PRELID2: variants seen among roughly 807,000 people sequenced by gnomAD.
The protein encoded by PRELID2 is PRELI domain containing 2.
A neutral mutation model predicts 28.4 loss-of-function variants in PRELID2; 25 were observed. That is an observed-to-expected ratio of 0.88 (90% CI 0.64 to 1.23). The LOEUF (loss-of-function observed/expected upper bound fraction) is 1.23, where lower values mean the gene tolerates loss of function less well. Ranked by LOEUF, PRELID2 falls within the 50% of genes most tolerant of loss-of-function variation. The pLI is 0.00. For missense variants in PRELID2, 201 were observed against 214.4 expected (o/e 0.94, Z 0.39); for synonymous variants, 76 against 71.6 (o/e 1.06, Z -0.31).
intron 1 of PRELID2, among the ~76,000 whole-genome samples, chr5:145,746,085 C>T (rs1482130430): frequency 6.6e-6 from 1 of 152,106 alleles, no homozygotes; most frequent in East Asian, 1.9e-4. Context: ...AGACCAATGA[C>T]ACTATGAAGA....
In PRELID2 at chr5:145,473,199, C is replaced by T. The variant is rs1752068912; in HGVS notation, n.186+1G>A. 4 of 152,256 alleles carry T rather than the reference C, an allele frequency of 2.6e-5. No homozygotes were observed. The South Asian group carries it at 8.3e-4, about 32-fold the overall frequency. The allele number at this position is 152,256 out of a possible 1,614,324, so 9.4% of individuals were successfully genotyped here. A position where few individuals can be genotyped will look rare whatever the true frequency, so the allele number is the denominator to read the frequency against. ...TCAAAGAATGCTTTGCAACAACTTA[C>T]CACGGTAAAGAACATGGGTTTTGGA... On this transcript the variant is annotated splice_donor_variant and non_coding_transcript_variant, in intron 2 of 2. Coordinates refer to the PRELID2 transcript ENST00000510259.
the PRELID2 span, among the ~76,000 whole-genome samples, chr5:145,297,284 T>A: frequency 6.6e-6 from 1 of 152,088 alleles, no homozygotes; most frequent in South Asian, 2.1e-4. Flanking sequence ...ATGTCCTGAA[T>A]GGTAATGCCT....
chr5:145,373,820 T>C, the PRELID2 span, among the ~76,000 whole-genome samples: 1 of 95,356 alleles, frequency 1.0e-5, no homozygotes, highest in Non-Finnish European at 1.9e-5. Flanking sequence ...TTATATATGA[T>C]ATTATATATT....
the PRELID2 span, among the ~76,000 whole-genome samples, chr5:145,391,582 C>G: frequency 6.6e-6 from 1 of 152,136 alleles, no homozygotes; most frequent in Admixed American, 6.5e-5. Flanking sequence ...TCTGACATGC[C>G]CTGGAGATAT....
chr5:145,398,816 G>A, the PRELID2 span, among the ~76,000 whole-genome samples: 10 of 152,210 alleles, frequency 6.6e-5, no homozygotes, highest in Non-Finnish European at 1.2e-4. Flanking sequence ...AGAAGAATGC[G>A]TGAGAGGAGT....
chr5:145,725,860 C>T (rs1554086494), intron 1 of PRELID2, among the ~76,000 whole-genome samples: 1 of 152,046 alleles, frequency 6.6e-6, no homozygotes, highest in Non-Finnish European at 1.5e-5. Flanking sequence ...TAGGGAAAAA[C>T]TTGATAATTA....
intron 1 of PRELID2, among the ~76,000 whole-genome samples, chr5:145,657,456 C>T (rs1050618997): frequency 2.6e-5 from 4 of 152,150 alleles, no homozygotes; most frequent in South Asian, 2.1e-4. Flanking sequence ...GAGGCTGAGG[C>T]GGGCAGATCA....
chr5:145,788,418 T>C (rs922486347), intron 5 of PRELID2, among the ~76,000 whole-genome samples: 1 of 152,202 alleles, frequency 6.6e-6, no homozygotes, highest in Non-Finnish European at 1.5e-5. Context: ...AAATCTAGGC[T>C]GAGAGAGACT....
At position 145,656,256 on chromosome 5, in the gene PRELID2, G is replaced by A. The variant is rs140926689; in HGVS notation, n.70+108675C>T. Among the ~76,000 whole-genome samples the A allele has an allele frequency of 4.7e-4, 72 of 152,232 alleles. 1 individual carries two copies. The East Asian group carries it at 0.013, about 28-fold the overall frequency. On this transcript the variant is annotated intron_variant and non_coding_transcript_variant, in intron 1 of 2. Transcript: ENST00000510259. ...TCATTAAAAAGTCAGGAAACAACAG[G>A]TGCTGGAGAGGATGTGGAGAAATAG...
the PRELID2 span, among the ~76,000 whole-genome samples, chr5:145,337,764 T>G: frequency 1.2e-5 from 1 of 83,592 alleles, no homozygotes; most frequent in African/African-American, 5.1e-5. Flanking sequence ...CACACACACA[T>G]ACACGTACAT....
At chr5:145,468,703 G>A (rs1752025657), downstream of PRELID2, among the ~76,000 whole-genome samples, 1 of 152,146 alleles carries the variant, frequency 6.6e-6, no homozygotes, top group African/African-American at 2.4e-5. Flanking sequence ...TCTGTTGGCT[G>A]CATAAATATC....
chr5:145,475,932 A>T (rs1752096488), intron 1 of PRELID2, among the ~76,000 whole-genome samples: 1 of 152,240 alleles, frequency 6.6e-6, no homozygotes. Context: ...GGACTAAAGT[A>T]GATAAATAAT....
intron 1 of PRELID2, among the ~76,000 whole-genome samples, chr5:145,483,970 T>G (rs1752190314): frequency 6.6e-6 from 1 of 152,238 alleles, no homozygotes; most frequent in Non-Finnish European, 1.5e-5. Flanking sequence ...AAAGATTTAT[T>G]GAATAAATTA....
the PRELID2 span, among the ~76,000 whole-genome samples, chr5:145,409,754 A>T: frequency 6.6e-6 from 1 of 151,628 alleles, no homozygotes; most frequent in Non-Finnish European, 1.5e-5. Flanking sequence ...TCTACTGAAA[A>T]AAAAAAAAAA....
Position 145,835,275 on chromosome 5 carries a change from C to T in PRELID2, c.-24G>A. On this transcript the variant is annotated 5_prime_UTR_variant, in exon 1 of 7. Coordinates refer to ENST00000683046, the MANE Select transcript of PRELID2 (RefSeq NM_205846.3). ...ATCCCCGCGCGCCGCGGGCCCCGCG[C>T]ACCGGCCACGCCTCCGCGAGCTCAG... is the stretch of plus-strand genomic sequence containing the variant. The T allele has an allele frequency of 6.5e-7, 1 of 1,528,568 alleles. No homozygotes were observed. Among genetic ancestry groups the T allele is most frequent in the African/African-American group, 1.4e-5 (1 of 72,556 alleles). 94.7% of individuals were successfully genotyped at this position (1,528,568 alleles called of 1,614,324 possible).
At chr5:145,771,195 G>A (rs1242854666) in intron 5 of PRELID2, among the ~76,000 whole-genome samples, 1 of 151,928 alleles carries the variant, frequency 6.6e-6, no homozygotes, top group Non-Finnish European at 1.5e-5. Flanking sequence ...TACACAAATA[G>A]TTATCATTGT....
At chr5:145,639,938 T>G (rs1035864174) in intron 1 of PRELID2, among the ~76,000 whole-genome samples, 1 of 152,158 alleles carries the variant, frequency 6.6e-6, no homozygotes, top group African/African-American at 2.4e-5. Flanking sequence ...AGTGCCCCCT[T>G]GGAAAAGGGC....
chr5:145,534,444 C>T (rs1261058613), intron 1 of PRELID2, among the ~76,000 whole-genome samples: 1 of 152,014 alleles, frequency 6.6e-6, no homozygotes, highest in African/African-American at 2.4e-5. Flanking sequence ...AAAGGGGCTA[C>T]AGCATGCACC....
At chr5:145,257,021 G>A in the PRELID2 span, among the ~76,000 whole-genome samples, 3 of 151,678 alleles carry the variant, frequency 2.0e-5, no homozygotes, top group Non-Finnish European at 4.4e-5. Flanking sequence ...TAATCACATA[G>A]GAAACTGGTG....
Sources: allele counts gnomAD v4.1 joint callset (sites outside exome capture counted in the v4.1 genomes callset), GRCh38; gene constraint gnomAD v4.1.1; transcripts MANE v1.5; gene names NCBI Gene and HGNC (gene_info 2026-07-23, HGNC 2026-07-21).